The following RPH3AL variants were observed in gnomAD, a reference collection of about 807,000 sequenced individuals.
The protein encoded by RPH3AL is rab effector Noc2.
RPH3AL carries 38 observed loss-of-function variants against 43.1 expected under a neutral mutation model. The observed-to-expected ratio is 0.88, with a 90% CI of 0.68 to 1.15. The LOEUF (loss-of-function observed/expected upper bound fraction) is 1.15. Among genes scored for constraint, RPH3AL ranks in the 50% most tolerant of loss-of-function variants. The pLI is 0.00. For synonymous variants in RPH3AL, 189 were observed against 176.3 expected (o/e 1.07, Z -0.57); for missense variants, 462 against 423.2 (o/e 1.09, Z -0.81).
chr17:212,397 G>C lies in RPH3AL; in HGVS notation c.*1455C>G, dbSNP rs1274431621. On this transcript the variant is annotated 3_prime_UTR_variant, in exon 10 of 10. Transcript: ENST00000331302. ...CCTCCTTTCACTGCGGCTTAGGAAG[G>C]GTTCCAGCAAGTCAACGCACCACAG... 1 of 152,140 alleles carries C rather than the reference G, an allele frequency of 6.6e-6. No homozygotes were observed. Among genetic ancestry groups the C allele is most frequent in the Non-Finnish European group, 1.5e-5 (1 of 68,034 alleles). The allele number at this position is 152,140 out of a possible 1,614,324, so 9.4% of individuals were successfully genotyped here. A position where few individuals can be genotyped will look rare whatever the true frequency, so the allele number is the denominator to read the frequency against.
At chr17:324,065 C>T (rs1049960464) in intron 3 of RPH3AL, among the ~76,000 whole-genome samples, 5 of 152,218 alleles carry the variant, frequency 3.3e-5, no homozygotes, top group Non-Finnish European at 7.4e-5. Context: ...AGCCACGCGG[C>T]GAGGCAGGCC....
intron 5 of RPH3AL, among the ~76,000 whole-genome samples, chr17:305,153 G>A (rs1218537460): frequency 6.6e-6 from 1 of 150,568 alleles, no homozygotes; most frequent in Non-Finnish European, 1.5e-5. Context: ...GGTGCTTAGG[G>A]TGGGCTCCGG....
At chr17:262,692 C>T (rs577088991) in intron 6 of RPH3AL, among the ~76,000 whole-genome samples, 28 of 152,248 alleles carry the variant, frequency 1.8e-4, no homozygotes, top group Non-Finnish European at 2.8e-4. Flanking sequence ...AAAAGTCAAG[C>T]GACAAACCAT....
chr17:280,263 G>A (rs568158304), intron 6 of RPH3AL, among the ~76,000 whole-genome samples: 2 of 152,152 alleles, frequency 1.3e-5, no homozygotes, highest in South Asian at 2.1e-4. Context: ...TGGGGGACCA[G>A]AGCAGAGTCA....
At chr17:238,329 A>G (rs1362059331) in intron 7 of RPH3AL, among the ~76,000 whole-genome samples, 2 of 152,036 alleles carry the variant, frequency 1.3e-5, no homozygotes, top group East Asian at 1.9e-4. Flanking sequence ...GAGAGAGAGA[A>G]AGAGAAAAAG....
intron 7 of RPH3AL, among the ~76,000 whole-genome samples, chr17:243,550 TCTA>T (rs1323110781): frequency 3.5e-5 from 5 of 143,376 alleles, no homozygotes; most frequent in South Asian, 2.2e-4. Context: ...ATTACCTTCC[TCTA>T]CTGATTGCCC....
In RPH3AL at chr17:218,576, C is replaced by T. The variant is rs74893652; in HGVS notation, c.727+1047G>A. 6.1e-3 allele frequency among the ~76,000 whole-genome samples: 921 copies of T among 152,106 alleles called. 7 individuals are homozygous for T. The highest frequency in any genetic ancestry group is 0.021 in the African/African-American group (863 of 41,438). ...CTCCCTGAAATTTCTTTCAAGGGTC[C>T]CAGTTCCGACCTGTGGAGTGACCGA... is the stretch of plus-strand genomic sequence containing the variant. On this transcript the variant is annotated intron_variant, in intron 8 of 9. Coordinates refer to ENST00000331302, the MANE Select transcript of RPH3AL (RefSeq NM_006987.4).
intron 2 of RPH3AL, chr17:332,465 A>G: frequency 6.0e-6 from 1 of 166,664 alleles, no homozygotes; most frequent in Admixed American, 5.5e-5. Context: ...TGGGTGCCCT[A>G]GAGGGTCCCT....
At position 333,332 on chromosome 17, in the gene RPH3AL, T is replaced by G. The variant is rs1424914367; in HGVS notation, c.-37+427A>C. 1.5e-5 allele frequency: 19 copies of G among 1,270,390 alleles called. No homozygotes were observed. The highest frequency in any genetic ancestry group is 2.0e-5 in the Non-Finnish European group (19 of 973,998). 78.7% of individuals were successfully genotyped at this position (1,270,390 alleles called of 1,614,324 possible). ...ATTTTATCCTAAAGAGAAAACACCT[T>G]AAATTCTCACATCAGCCACCCCCAT... is the stretch of plus-strand genomic sequence containing the variant. On this transcript the variant is annotated intron_variant, in intron 2 of 9. Transcript: ENST00000331302. The surrounding 1 kb of genome is among the most constrained non-coding windows in gnomAD (Gnocchi z 4.5).
chr17:217,428 C>CT (rs2151495444), intron 8 of RPH3AL, among the ~76,000 whole-genome samples: 1 of 40,936 alleles, frequency 2.4e-5, no homozygotes, highest in African/African-American at 4.8e-5. Flanking sequence ...AGCCCTTCTT[C>CT]TGTGCCAAAA....
chr17:314,530 C>A (rs2043805760), intron 5 of RPH3AL, among the ~76,000 whole-genome samples: 1 of 112,506 alleles, frequency 8.9e-6, no homozygotes, highest in Non-Finnish European at 1.8e-5. Context: ...GTCCCTGTGA[C>A]TCCACCTCCA....
chr17:316,444 T>C (rs1248381852), intron 5 of RPH3AL, among the ~76,000 whole-genome samples: 4 of 151,574 alleles, frequency 2.6e-5, no homozygotes, highest in Non-Finnish European at 5.9e-5. Flanking sequence ...CTGTAGTCTC[T>C]GTGCTCCACC....
At chr17:278,182 G>A (rs56101945) in intron 6 of RPH3AL, among the ~76,000 whole-genome samples, 8,119 of 152,182 alleles carry the variant, frequency 0.053, 310 homozygotes, top group Non-Finnish European at 0.082. Flanking sequence ...TACTGTTCTC[G>A]TGATAGTGAA....
intron 1 of RPH3AL, among the ~76,000 whole-genome samples, chr17:350,149 G>A (rs2045324400): frequency 1.3e-5 from 2 of 152,206 alleles, no homozygotes; most frequent in African/African-American, 2.4e-5. Context: ...AATAAGTAAT[G>A]CATTCCTCAA....
chr17:244,104 A>G (rs2041677466), intron 7 of RPH3AL, among the ~76,000 whole-genome samples: 1 of 137,680 alleles, frequency 7.3e-6, no homozygotes, highest in Non-Finnish European at 1.5e-5. Flanking sequence ...TTCTCTATTG[A>G]TTACCCCTCT....
chr17:285,919 A>T (rs2042896370), intron 5 of RPH3AL, among the ~76,000 whole-genome samples: 1 of 151,948 alleles, frequency 6.6e-6, no homozygotes, highest in Admixed American at 6.5e-5. Flanking sequence ...CCACGTTACC[A>T]TCACCCGCTG....
At chr17:241,038 A>G (rs569725621) in intron 7 of RPH3AL, among the ~76,000 whole-genome samples, 1 of 149,422 alleles carries the variant, frequency 6.7e-6, no homozygotes, top group Non-Finnish European at 1.5e-5. Context: ...GCCTGGCGAC[A>G]GAGTGAGACT....
At chr17:281,981 G>A in intron 5 of RPH3AL, 127 bp from the exon 6 acceptor site, 1 of 716,528 alleles carries the variant, frequency 1.4e-6, no homozygotes, top group Non-Finnish European at 2.5e-6. Context: ...CAGGATAGAA[G>A]GAATCAATCA....
Position 236,637 on chromosome 17 carries a change from A to T in RPH3AL, c.613+10474T>A, listed in dbSNP as rs867931530. Among the ~76,000 whole-genome samples, 33 of 152,356 alleles carry T rather than the reference A, an allele frequency of 2.2e-4. No individual in the cohort carries two copies. In the Middle Eastern group the frequency reaches 0.01, roughly 47 times the overall value. ...GCACAGAGCTGGCACAAGTAGAAGC[A>T]GCTCAGCCGCCCTGTCTGTCTCCTC... On this transcript the variant is annotated intron_variant, in intron 7 of 9. Transcript: ENST00000331302.
Sources: allele counts gnomAD v4.1 joint callset (sites outside exome capture counted in the v4.1 genomes callset), GRCh38; gene constraint gnomAD v4.1.1; non-coding constraint Gnocchi (gnomAD v3.1); transcripts MANE v1.5; gene names NCBI Gene and HGNC (gene_info 2026-07-23, HGNC 2026-07-21).